The following BCAS3 variants were observed in gnomAD, a reference collection of about 807,000 sequenced individuals.
BCAS3 encodes the protein BCAS4/BCAS3 fusion.
Under a neutral mutation model 116.1 loss-of-function variants are expected in BCAS3, and 53 were observed. The observed-to-expected ratio is 0.46, with a 90% CI of 0.37 to 0.57. The LOEUF (loss-of-function observed/expected upper bound fraction) is 0.57. Ranked by LOEUF, BCAS3 falls within the 20% of genes least tolerant of loss-of-function variation. The pLI, the probability that BCAS3 is intolerant of heterozygous loss-of-function variation, is 0.00. For synonymous variants in BCAS3, 391 were observed against 408.2 expected (o/e 0.96, Z 0.51); for missense variants, 917 against 1,165.4 (o/e 0.79, Z 3.10).
Position 61,381,312 on chromosome 17 carries a change from C to T in BCAS3, c.2594-10665C>T, listed in dbSNP as rs1351701144. Among the ~76,000 whole-genome samples, 2 of 152,150 alleles carry T rather than the reference C, an allele frequency of 1.3e-5. No homozygotes were observed. Among genetic ancestry groups the T allele is most frequent in the African/African-American group, 4.8e-5 (2 of 41,430 alleles). On this transcript the variant is annotated intron_variant, in intron 23 of 23. Coordinates refer to ENST00000407086, the MANE Select transcript of BCAS3 (RefSeq NM_017679.5). This position sits in a 1 kb window ranked among gnomAD's most constrained non-coding sequence, Gnocchi z 6.0. ...AGCTGAATTGAATAATGAATAGAGC[C>T]CCGGCACCAGCAGCCAGTCTGTGAG...
In BCAS3 at chr17:61,128,972, T is replaced by C. The variant is rs1490239450; in HGVS notation, c.2425+44408T>C. Among the ~76,000 whole-genome samples the C allele has an allele frequency of 6.6e-6, 1 of 152,184 alleles. No homozygotes were observed. The highest frequency in any genetic ancestry group is 2.4e-5 in the African/African-American group (1 of 41,446). On this transcript the variant is annotated intron_variant, in intron 22 of 23. Transcript: ENST00000407086. This position sits in a 1 kb window ranked among gnomAD's most constrained non-coding sequence, Gnocchi z 4.1. ...AGGGCTATATTGAGTTCTCCGCAGTTTTCTAACAGAGAGATTTAGTTTGGC... is the reference window on the plus strand; with the variant it reads ...AGGGCTATATTGAGTTCTCCGCAGTCTTCTAACAGAGAGATTTAGTTTGGC...
intron 10 of BCAS3, among the ~76,000 whole-genome samples, chr17:60,894,320 A>G (rs962631799): frequency 1.1e-4 from 16 of 151,828 alleles, no homozygotes; most frequent in African/African-American, 1.2e-4. Context: ...CTTCTTATAT[A>G]TATATTTTCG....
chr17:60,713,680 T>TA (rs2038202151), intron 5 of BCAS3, among the ~76,000 whole-genome samples: 1 of 152,246 alleles, frequency 6.6e-6, no homozygotes, highest in African/African-American at 2.4e-5. Context: ...AGAGATGACT[T>TA]AAAGTATATG....
chr17:61,238,226 G>GT (rs1340730165), intron 22 of BCAS3, among the ~76,000 whole-genome samples: 2 of 27,248 alleles, frequency 7.3e-5, no homozygotes, highest in Non-Finnish European at 2.1e-4. Flanking sequence ...CAGTTTTTCG[G>GT]GTTTTTTTTT....
Position 61,087,360 on chromosome 17 carries a change from T to A in BCAS3, c.2425+2796T>A. 1 of 284,482 alleles carries A rather than the reference T, an allele frequency of 3.5e-6. No individual in the cohort carries two copies. The highest frequency in any genetic ancestry group is 5.3e-6 in the Non-Finnish European group (1 of 189,046). The allele number at this position is 284,482 out of a possible 1,614,324, so 17.6% of individuals were successfully genotyped here. ...GGCACATGTTACACCTAACCCTCTA[T>A]TTTAGTGACAGCTCTTGCTCTGTCT... On this transcript the variant is annotated intron_variant, in intron 22 of 23. Coordinates refer to ENST00000407086, the MANE Select transcript of BCAS3 (RefSeq NM_017679.5). This position sits in a 1 kb window ranked among gnomAD's most constrained non-coding sequence, Gnocchi z 4.6.
At position 61,108,604 on chromosome 17, in the gene BCAS3, G is replaced by GTTT. The variant is rs56299790; in HGVS notation, c.2425+24052_2425+24054dup. Among the ~76,000 whole-genome samples the GTTT allele has an allele frequency of 3.1e-3, 433 of 140,146 alleles. 6 individuals are homozygous for GTTT. Among genetic ancestry groups the GTTT allele is most frequent in the African/African-American group, 0.011 (403 of 38,136 alleles). 91.9% of individuals were successfully genotyped at this position (140,146 alleles called of 152,430 possible). ...ATTCTATCTTGATTTGTCTATAGTGGTTTTTTTTTTTTTTAATTTCAATAG... is the reference window on the plus strand; with the variant it reads ...ATTCTATCTTGATTTGTCTATAGTGGTTTTTTTTTTTTTTTTTAATTTCAATAG... On this transcript the variant is annotated intron_variant, in intron 22 of 23. Transcript: ENST00000407086.
intron 8 of BCAS3, among the ~76,000 whole-genome samples, chr17:60,873,260 G>GA (rs1187504509): frequency 2.7e-5 from 4 of 150,682 alleles, no homozygotes; most frequent in East Asian, 3.9e-4. Context: ...GGCCCAGCTA[G>GA]AAAAAAAAAT....
chr17:60,709,154 AGTT>A, intron 4 of BCAS3, 62 bp from the exon 5 acceptor site: 1 of 776,606 alleles, frequency 1.3e-6, no homozygotes, highest in Non-Finnish European at 2.2e-6. Flanking sequence ...AAAGAAATAC[AGTT>A]GTTTTCTTGA....
At chr17:61,166,558 T>G (rs1878366616) in intron 22 of BCAS3, among the ~76,000 whole-genome samples, 1 of 151,838 alleles carries the variant, frequency 6.6e-6, no homozygotes, top group Non-Finnish European at 1.5e-5. Context: ...CCACCATACC[T>G]GGCTGATTTT....
intron 22 of BCAS3, among the ~76,000 whole-genome samples, chr17:61,288,928 A>AC (rs1479527674): frequency 2.0e-5 from 3 of 152,018 alleles, no homozygotes; most frequent in Non-Finnish European, 4.4e-5. Flanking sequence ...GAGCATGAAA[A>AC]CATGCTCATA....
At chr17:60,872,895 C>T (rs951471864) in intron 8 of BCAS3, among the ~76,000 whole-genome samples, 3 of 152,030 alleles carry the variant, frequency 2.0e-5, no homozygotes, top group Admixed American at 6.5e-5. Flanking sequence ...AATAATGGTG[C>T]ATTTTTGTGG....
chr17:60,881,132 A>G (rs2056101642), intron 9 of BCAS3, among the ~76,000 whole-genome samples: 1 of 151,610 alleles, frequency 6.6e-6, no homozygotes, highest in Admixed American at 6.6e-5. Context: ...CCGCCACCAC[A>G]CCCTGCTAAT....
Position 61,365,094 on chromosome 17 carries a change from A to G in BCAS3, c.2426-3233A>G, listed in dbSNP as rs1257908687. Among the ~76,000 whole-genome samples the G allele has an allele frequency of 6.6e-6, 1 of 152,150 alleles. No individual in the cohort carries two copies. Among genetic ancestry groups the G allele is most frequent in the Non-Finnish European group, 1.5e-5 (1 of 68,012 alleles). On this transcript the variant is annotated intron_variant, in intron 22 of 23. Coordinates refer to ENST00000407086, the MANE Select transcript of BCAS3 (RefSeq NM_017679.5). This position sits in a 1 kb window ranked among gnomAD's most constrained non-coding sequence, Gnocchi z 4.6. ...TCCTATGTGGTTGTATTGTTTTTCCATTTTTATGGATGAGGAATCAGAGAC... is the reference window on the plus strand; with the variant it reads ...TCCTATGTGGTTGTATTGTTTTTCCGTTTTTATGGATGAGGAATCAGAGAC...
intron 22 of BCAS3, among the ~76,000 whole-genome samples, chr17:61,137,008 CT>C (rs894580296): frequency 2.6e-5 from 4 of 152,012 alleles, no homozygotes; most frequent in African/African-American, 7.3e-5. Context: ...TTCAATAAAA[CT>C]TTTTTAAAAA....
At position 61,023,884 on chromosome 17, in the gene BCAS3, A is replaced by G. The variant is rs2066043023; in HGVS notation, c.1637+7983A>G. Among the ~76,000 whole-genome samples, 1 of 152,184 alleles carries G rather than the reference A, an allele frequency of 6.6e-6. No individual in the cohort carries two copies. Among genetic ancestry groups the G allele is most frequent in the Admixed American group, 6.5e-5 (1 of 15,286 alleles). ...AATTATGACAAATTGAGTAGGTTTT[A>G]TATGGCATATTTGTTAAGCCTGCTA... On this transcript the variant is annotated intron_variant, in intron 16 of 23. Transcript: ENST00000407086. This position sits in a 1 kb window ranked among gnomAD's most constrained non-coding sequence, Gnocchi z 4.8.
chr17:61,122,830 A>G lies in BCAS3; in HGVS notation c.2425+38266A>G, dbSNP rs1274623977. ...AATACAGCAATGTAAGCTGATGGCT[A>G]TTGGAATTCACATACAGTTTGCATT... On this transcript the variant is annotated intron_variant, in intron 22 of 23. Transcript: ENST00000407086. This position sits in a 1 kb window ranked among gnomAD's most constrained non-coding sequence, Gnocchi z 4.6. Among the ~76,000 whole-genome samples, 2 of 152,194 alleles carry G rather than the reference A, an allele frequency of 1.3e-5. No homozygotes were observed. Among genetic ancestry groups the G allele is most frequent in the East Asian group, 1.9e-4 (1 of 5,196 alleles).
chr17:61,334,679 A>AC lies in BCAS3; in HGVS notation c.2426-33648_2426-33647insC, dbSNP rs1568879163. ...AACTCCATCTCAAAAAAAAAAAAAA[A>AC]AAAAAAAAAACACCAAGAAAACGAT... On this transcript the variant is annotated intron_variant, in intron 22 of 23. Coordinates refer to ENST00000407086, the MANE Select transcript of BCAS3 (RefSeq NM_017679.5). Among the ~76,000 whole-genome samples the AC allele has an allele frequency of 4.7e-4, 71 of 151,804 alleles. 1 individual carries two copies. Among genetic ancestry groups the AC allele is most frequent in the African/African-American group, 9.7e-4 (40 of 41,432 alleles).
rs143499999 is a variant in BCAS3 at position 61,391,398 on chromosome 17, G to A, written c.2594-579G>A. The A allele has an allele frequency of 4.4e-3, 671 of 152,756 alleles. 1 individual carries two copies. The highest frequency in any genetic ancestry group is 7.6e-3 in the Non-Finnish European group (520 of 68,384). The allele number at this position is 152,756 out of a possible 1,614,324, so 9.5% of individuals were successfully genotyped here. A position where few individuals can be genotyped will look rare whatever the true frequency, so the allele number is the denominator to read the frequency against. ...CCCCTCCCAGGGAAACAGGACACTTGGCAGGAGGTGCCAAAGATGAGCCAA... is the reference window on the plus strand; with the variant it reads ...CCCCTCCCAGGGAAACAGGACACTTAGCAGGAGGTGCCAAAGATGAGCCAA... On this transcript the variant is annotated intron_variant, in intron 23 of 23. Transcript: ENST00000407086. This position sits in a 1 kb window ranked among gnomAD's most constrained non-coding sequence, Gnocchi z 7.7.
At chr17:60,689,519 A>T (rs981442682) in intron 3 of BCAS3, among the ~76,000 whole-genome samples, 167 bp from the exon 4 acceptor site, 1 of 152,228 alleles carries the variant, frequency 6.6e-6, no homozygotes, top group Non-Finnish European at 1.5e-5. Flanking sequence ...AGACTCATGG[A>T]TAATATTCTT....
Sources: gnomAD v4.1 joint callset for allele counts (sites outside exome capture counted in the v4.1 genomes callset) on GRCh38, gnomAD v4.1.1 for gene constraint, Gnocchi (gnomAD v3.1) non-coding constraint, MANE v1.5 for transcripts, NCBI Gene and HGNC (gene_info 2026-07-23, HGNC 2026-07-21) for gene names.